WNT3A: variants seen among roughly 807,000 people sequenced by gnomAD.
WNT3A encodes the protein Wnt family member 3A, also known as protein Wnt-3a.
In WNT3A, 17 loss-of-function variants were observed where a neutral mutation model predicts 37.0. The ratio of observed to expected loss-of-function variants is 0.46; its 90% CI spans 0.31 to 0.69. The LOEUF is 0.69. WNT3A is among the 30% of genes least tolerant of loss of function. The pLI is 0.05. For synonymous variants in WNT3A, 187 were observed against 211.0 expected (o/e 0.89, Z 0.99); for missense variants, 411 against 510.2 (o/e 0.81, Z 1.87).
Position 228,007,028 on chromosome 1 carries a change from G to A in WNT3A, c.-101G>A, listed in dbSNP as rs1246730746. 8.4e-6 allele frequency: 6 copies of A among 710,934 alleles called. No homozygotes were observed. Among genetic ancestry groups the A allele is most frequent in the Non-Finnish European group, 1.1e-5 (6 of 540,590 alleles). 44.0% of individuals were successfully genotyped at this position (710,934 alleles called of 1,614,324 possible). A position where few individuals can be genotyped will look rare whatever the true frequency, so the allele number is the denominator to read the frequency against. On this transcript the variant is annotated 5_prime_UTR_variant, in exon 1 of 4. Transcript: ENST00000284523. The surrounding 1 kb of genome is among the most constrained non-coding windows in gnomAD (Gnocchi z 6.0). ...CACCCGCGCACCCGCGGCCGCAGGA[G>A]GGCCCAGCGACGCCGCCGCGCCAGC...
rs540032414 is a variant in WNT3A, at chr1:228,020,873, G to C, written c.72-1794G>C. 5.1e-4 allele frequency among the ~76,000 whole-genome samples: 77 copies of C among 152,232 alleles called. No individual in the cohort carries two copies. In the South Asian group the frequency reaches 6.4e-3, roughly 13 times the overall value. On this transcript the variant is annotated intron_variant, in intron 1 of 3. Coordinates refer to ENST00000284523, the MANE Select transcript of WNT3A (RefSeq NM_033131.4). ...AGGGAGAGGGAGGCCAGATCTCCAGGGGGTAGACATATTGGGGACCCTGAA... is the reference window on the plus strand; with the variant it reads ...AGGGAGAGGGAGGCCAGATCTCCAGCGGGTAGACATATTGGGGACCCTGAA...
intron 3 of WNT3A, among the ~76,000 whole-genome samples, chr1:228,051,174 C>T (rs1164929967): frequency 6.6e-6 from 1 of 152,138 alleles, no homozygotes; most frequent in Non-Finnish European, 1.5e-5. Flanking sequence ...AAGGCCTGGT[C>T]AACAGGAGCC....
At chr1:228,035,130 G>A (rs1166709585) in intron 2 of WNT3A, among the ~76,000 whole-genome samples, 1 of 152,176 alleles carries the variant, frequency 6.6e-6, no homozygotes, top group Non-Finnish European at 1.5e-5. Context: ...TCCCAGGAGG[G>A]CTTCCCAGGG....
rs952686335 is a variant in WNT3A at position 228,008,672 on chromosome 1, G to C, written c.71+1473G>C. Among the ~76,000 whole-genome samples, 1 of 152,200 alleles carries C rather than the reference G, an allele frequency of 6.6e-6. No homozygotes were observed. The highest frequency in any genetic ancestry group is 1.5e-5 in the Non-Finnish European group (1 of 68,028). On this transcript the variant is annotated intron_variant, in intron 1 of 3. Coordinates refer to ENST00000284523, the MANE Select transcript of WNT3A (RefSeq NM_033131.4). This position sits in a 1 kb window ranked among gnomAD's most constrained non-coding sequence, Gnocchi z 4.9. ...GCAGGGAGCCAGGGGCAGCGCGTCCGTCCGAGAGAGCCCCGAGGGCTGCCG... is the reference window on the plus strand; with the variant it reads ...GCAGGGAGCCAGGGGCAGCGCGTCCCTCCGAGAGAGCCCCGAGGGCTGCCG...
chr1:228,040,570 ATGT>A (rs1370433135), intron 2 of WNT3A, among the ~76,000 whole-genome samples: 2 of 152,150 alleles, frequency 1.3e-5, no homozygotes, highest in African/African-American at 4.8e-5. Context: ...ATTTGGGCAA[ATGT>A]TGTTCAACGT....
At chr1:228,011,556 G>A (rs1395133971) in intron 1 of WNT3A, among the ~76,000 whole-genome samples, 3 of 151,728 alleles carry the variant, frequency 2.0e-5, no homozygotes, top group South Asian at 2.1e-4. Flanking sequence ...ATCTGTCTCT[G>A]CCCGTCTCTG....
At chr1:228,040,995 A>ATAT (rs1359450321) in intron 2 of WNT3A, among the ~76,000 whole-genome samples, 2 of 139,324 alleles carry the variant, frequency 1.4e-5, no homozygotes, top group African/African-American at 5.5e-5. Flanking sequence ...ATATATATAT[A>ATAT]ATATCTACTA....
At chr1:228,011,520 CCTGT>C (rs1462068316) in intron 1 of WNT3A, among the ~76,000 whole-genome samples, 1 of 152,090 alleles carries the variant, frequency 6.6e-6, no homozygotes, top group African/African-American at 2.4e-5. Flanking sequence ...TCAGTTTCTC[CCTGT>C]CTGTCTCTCT....
chr1:228,012,851 C>T (rs1222591913), intron 1 of WNT3A, among the ~76,000 whole-genome samples: 1 of 151,982 alleles, frequency 6.6e-6, no homozygotes, highest in East Asian at 1.9e-4. Context: ...CTACCGAGGC[C>T]GAAGAAAAGG....
At position 228,033,062 on chromosome 1, in the gene WNT3A, T is replaced by C. The variant is rs566431264; in HGVS notation, c.313+10154T>C. Among the ~76,000 whole-genome samples the C allele has an allele frequency of 1.3e-4, 20 of 152,362 alleles. No individual in the cohort carries two copies. In the South Asian group the frequency reaches 1.7e-3, roughly 13 times the overall value. On this transcript the variant is annotated intron_variant, in intron 2 of 3. Coordinates refer to ENST00000284523, the MANE Select transcript of WNT3A (RefSeq NM_033131.4). ...CGTTGAGTTGTAAGAGTGCTTTATA[T>C]AGTCTGCTTACAAGTCCCTTATCCA...
Position 228,059,466 on chromosome 1 carries a change from G to T in WNT3A, c.*1G>T. The T allele has an allele frequency of 6.7e-7, 1 of 1,499,444 alleles. No homozygotes were observed. The allele number at this position is 1,499,444 out of a possible 1,614,324, so 92.9% of individuals were successfully genotyped here. A position where few individuals can be genotyped will look rare whatever the true frequency, so the allele number is the denominator to read the frequency against. ...CTACGACGTGCACACCTGCAAGTAG[G>T]CACCGGCCGCGGCTCCCCCTGGACG... On this transcript the variant is annotated 3_prime_UTR_variant, in exon 4 of 4. Transcript: ENST00000284523.
At chr1:228,043,593 G>A (rs1229724648) in intron 2 of WNT3A, among the ~76,000 whole-genome samples, 3 of 152,220 alleles carry the variant, frequency 2.0e-5, no homozygotes, top group African/African-American at 7.2e-5. Flanking sequence ...GGTGTTTGTG[G>A]TAGAGAACTT....
At chr1:228,025,758 G>T (rs2030838069) in intron 2 of WNT3A, among the ~76,000 whole-genome samples, 1 of 151,702 alleles carries the variant, frequency 6.6e-6, no homozygotes. Flanking sequence ...TATTGTCAAT[G>T]GAATCATTTT....
chr1:228,043,981 T>C (rs2031345971), intron 2 of WNT3A, among the ~76,000 whole-genome samples: 1 of 152,064 alleles, frequency 6.6e-6, no homozygotes, highest in Non-Finnish European at 1.5e-5. Flanking sequence ...ATTTATTTTA[T>C]TTTATTATTT....
In WNT3A at chr1:228,059,222, C is replaced by T. The variant is rs1251300246; in HGVS notation, c.816C>T (p.Val272=). ...YFKVPTERDL[V]YYEASPNFCE... Reference sequence around the variant, plus strand: ...AGGTGCCCACGGAGCGCGACCTGGTCTACTACGAGGCCTCGCCCAACTTCT... The same window carrying T: ...AGGTGCCCACGGAGCGCGACCTGGTTTACTACGAGGCCTCGCCCAACTTCT... The change falls in exon 4 of 4, where the codon GTC becomes GTT. Residue 272 remains valine, a synonymous_variant. Coordinates refer to ENST00000284523, the MANE Select transcript of WNT3A (RefSeq NM_033131.4). 1 of 1,611,226 alleles carries T rather than the reference C, an allele frequency of 6.2e-7. No homozygotes were observed. Among genetic ancestry groups the T allele is most frequent in the East Asian group, 2.2e-5 (1 of 44,842 alleles).
rs1404207825 is a variant in WNT3A at position 228,040,339 on chromosome 1, C to G, written c.314-10317C>G. Among the ~76,000 whole-genome samples, 7 of 152,254 alleles carry G rather than the reference C, an allele frequency of 4.6e-5. No individual in the cohort carries two copies. In the East Asian group the frequency reaches 1.4e-3, roughly 30 times the overall value. On this transcript the variant is annotated intron_variant, in intron 2 of 3. Transcript: ENST00000284523. Reference sequence around the variant, plus strand: ...GGACCTGCTTTTCCCACTGTCACCCCCTAACAGGGCAGCCTCCATGCTATG... The same window carrying G: ...GGACCTGCTTTTCCCACTGTCACCCGCTAACAGGGCAGCCTCCATGCTATG...
intron 3 of WNT3A, among the ~76,000 whole-genome samples, chr1:228,055,175 AAAAAAT>A (rs1264716389): frequency 5.1e-5 from 3 of 59,216 alleles, no homozygotes; most frequent in African/African-American, 2.4e-4. Flanking sequence ...AAAAAAAAAA[AAAAAAT>A]ATATATATAT....
chr1:228,051,740 A>T (rs1391481558), intron 3 of WNT3A, among the ~76,000 whole-genome samples: 2 of 152,182 alleles, frequency 1.3e-5, no homozygotes, highest in African/African-American at 4.8e-5. Context: ...TAATTGGCTC[A>T]TGGATCTGCA....
In WNT3A at chr1:228,031,137, C is replaced by T. The variant is rs1224803668; in HGVS notation, c.313+8229C>T. On this transcript the variant is annotated intron_variant, in intron 2 of 3. Transcript: ENST00000284523. This position sits in a 1 kb window ranked among gnomAD's most constrained non-coding sequence, Gnocchi z 4.8. ...TGTTCTTCAGGCGTGGGGAAGGCAC[C>T]GTGGGGCAGAGAGTGGGGACCCGAG... Among the ~76,000 whole-genome samples, 3 of 152,192 alleles carry T rather than the reference C, an allele frequency of 2.0e-5. No individual in the cohort carries two copies. Among genetic ancestry groups the T allele is most frequent in the Non-Finnish European group, 2.9e-5 (2 of 68,030 alleles).
Sources: allele counts gnomAD v4.1 joint callset (sites outside exome capture counted in the v4.1 genomes callset), GRCh38; gene constraint gnomAD v4.1.1; non-coding constraint Gnocchi (gnomAD v3.1); transcripts MANE v1.5; gene names NCBI Gene and HGNC (gene_info 2026-07-23, HGNC 2026-07-21).